The following RP1 variants were observed in gnomAD, a reference collection of about 807,000 sequenced individuals.
The protein encoded by RP1 is oxygen-regulated protein 1.
A neutral mutation model predicts 14.8 loss-of-function variants in RP1; 16 were observed. That is an observed-to-expected ratio of 1.08 (90% CI 0.73 to 1.65). The LOEUF is 1.65. Ranked by LOEUF, RP1 falls within the 40% of genes most tolerant of loss-of-function variation. The probability of loss-of-function intolerance (pLI) is 0.00; values close to 1 mark genes in which losing one functional copy is unlikely to be tolerated. For missense variants in RP1, 2,631 were observed against 2,535.0 expected, an observed-to-expected ratio of 1.04 and a Z score of -0.81; for synonymous variants, 876 against 883.6, an observed-to-expected ratio of 0.99 and a Z score of 0.15.
At chr8:54,610,550 G>A (rs1483469385) in intron 1 of RP1, among the ~76,000 whole-genome samples, 1 of 152,102 alleles carries the variant, frequency 6.6e-6, no homozygotes, top group African/African-American at 2.4e-5. Context: ...CTATTTGGAT[G>A]TCTAATATGC....
intron 15 of RP1, among the ~76,000 whole-genome samples, chr8:54,708,268 C>T (rs1808198375): frequency 6.6e-6 from 1 of 152,156 alleles, no homozygotes; most frequent in Admixed American, 6.5e-5. Flanking sequence ...TGTTTATCTT[C>T]CCCGGGTAGT....
chr8:54,722,274 T>TTTG (rs1554527264), intron 16 of RP1, among the ~76,000 whole-genome samples: 16 of 143,772 alleles, frequency 1.1e-4, no homozygotes, highest in African/African-American at 4.1e-4. Flanking sequence ...GTTTTTTTTT[T>TTTG]TGTGTGTGTG....
rs146849154 is a variant in RP1 at position 54,857,461 on chromosome 8, T to C, written c.4069+355T>C. ...ATAATGTAAGGTTATAAATGGTCAC[T>C]AATTAAATTATATAGTGACCATTTA... On this transcript the variant is annotated intron_variant, in intron 27 of 28. Transcript: ENST00000637698. Among the ~76,000 whole-genome samples, 1,301 of 150,488 alleles carry C rather than the reference T, an allele frequency of 8.6e-3. 21 individuals carry two copies. The highest frequency in any genetic ancestry group is 0.03 in the African/African-American group (1,239 of 41,184).
At chr8:54,607,584 C>T (rs1334955919) in intron 1 of RP1, among the ~76,000 whole-genome samples, 2 of 152,192 alleles carry the variant, frequency 1.3e-5, no homozygotes, top group African/African-American at 2.4e-5. Flanking sequence ...CAGACAGGGA[C>T]ATTTAAGTCT....
In RP1 at chr8:54,627,036, G is replaced by T; in HGVS notation, c.3154G>T (p.Val1052Phe). ...AEKSGPEKKL[V>F]YQEINLARKR... ...AAAATCAGGACCAGAGAAAAAACTT[G>T]TTTACCAGGAAATAAACCTAGCTAG... The change falls in exon 4 of 4, where the codon GTT becomes TTT. Residue 1052 changes from valine (V) to phenylalanine (F), a missense_variant. Physicochemically the swap from Val to Phe is conservative, Grantham distance 50. Coordinates refer to ENST00000220676, the MANE Select transcript of RP1 (RefSeq NM_006269.2). The T allele has an allele frequency of 6.2e-7, 1 of 1,613,962 alleles. No individual in the cohort carries two copies. Among genetic ancestry groups the T allele is most frequent in the Non-Finnish European group, 8.5e-7 (1 of 1,179,940 alleles).
intron 7 of RP1, among the ~76,000 whole-genome samples, chr8:54,672,859 T>G (rs1349722636): frequency 1.3e-5 from 2 of 152,216 alleles, no homozygotes; most frequent in Non-Finnish European, 2.9e-5. Flanking sequence ...ATGCGTTTCT[T>G]CTCTTTTCCT....
chr8:54,611,884 TCTCCCTTC>T, upstream of RP1, among the ~76,000 whole-genome samples: 1 of 104,094 alleles, frequency 9.6e-6, no homozygotes, highest in South Asian at 3.6e-4. Context: ...TCCCTCCCTC[TCTCCCTTC>T]CTTCCTTCCT....
intron 25 of RP1, among the ~76,000 whole-genome samples, chr8:54,837,838 G>A (rs896001385): frequency 6.6e-5 from 10 of 152,196 alleles, no homozygotes; most frequent in South Asian, 2.1e-4. Context: ...GTGTAGTGAC[G>A]TGGCAGATAT....
At chr8:54,761,203 T>C (rs184953292) in intron 22 of RP1, among the ~76,000 whole-genome samples, 60 of 151,612 alleles carry the variant, frequency 4.0e-4, no homozygotes, top group African/African-American at 1.4e-3. Context: ...ACATTTCACA[T>C]CGTCACCCAT....
intron 1 of RP1, among the ~76,000 whole-genome samples, chr8:54,601,831 A>G (rs1805300750): frequency 6.6e-6 from 1 of 152,222 alleles, no homozygotes; most frequent in South Asian, 2.1e-4. Context: ...GCCAGCCATA[A>G]AAGATCACAT....
At position 54,697,202 on chromosome 8, in the gene RP1, A is replaced by G. The variant is rs942224990; in HGVS notation, c.1718-2265A>G. 1.3e-5 allele frequency: 9 copies of G among 701,770 alleles called. No homozygotes were observed. The African/African-American group carries it at 1.4e-4, about 11-fold the overall frequency. 43.5% of individuals were successfully genotyped at this position (701,770 alleles called of 1,614,324 possible). A position where few individuals can be genotyped will look rare whatever the true frequency, so the allele number is the denominator to read the frequency against. On this transcript the variant is annotated intron_variant, in intron 12 of 22. Transcript: ENST00000636932. ...GTTTCCTTTTTTTGGGGGAATTTTT[A>G]TCCAGAGAAGATTATTTCCTGCGTT...
chr8:54,752,712 T>C (rs1463057086), intron 19 of RP1, among the ~76,000 whole-genome samples: 1 of 152,076 alleles, frequency 6.6e-6, no homozygotes, highest in East Asian at 1.9e-4. Flanking sequence ...CCCCACACTC[T>C]CACACTGGGA....
At position 54,795,242 on chromosome 8, in the gene RP1, G is replaced by A. The variant is rs147929211; in HGVS notation, c.3615+11532G>A. 8.2e-4 allele frequency among the ~76,000 whole-genome samples: 125 copies of A among 152,074 alleles called. 1 individual carries two copies. The highest frequency in any genetic ancestry group is 2.8e-3 in the African/African-American group (115 of 41,524). On this transcript the variant is annotated intron_variant, in intron 24 of 28. Transcript: ENST00000637698. ...TCTGCTTCTGTGTATATATCTGAAG[G>A]AAACAAAATCAGTATCTTGAAGAGA...
intron 24 of RP1, among the ~76,000 whole-genome samples, chr8:54,818,464 C>T (rs1277738980): frequency 6.6e-6 from 1 of 152,174 alleles, no homozygotes; most frequent in Non-Finnish European, 1.5e-5. Flanking sequence ...TTCAAAGTGG[C>T]AGCTATATCA....
chr8:54,744,101 G>A (rs984190926), intron 19 of RP1, among the ~76,000 whole-genome samples: 2 of 152,160 alleles, frequency 1.3e-5, no homozygotes, highest in Non-Finnish European at 2.9e-5. Context: ...TATTTTTCAG[G>A]TAAAATCTAT....
intron 24 of RP1, among the ~76,000 whole-genome samples, chr8:54,795,705 A>G (rs1296378696): frequency 6.6e-6 from 1 of 152,172 alleles, no homozygotes; most frequent in Non-Finnish European, 1.5e-5. Flanking sequence ...TTCTTTTGAA[A>G]GACTAACATC....
intron 1 of RP1, among the ~76,000 whole-genome samples, chr8:54,600,171 C>T (rs185026765): frequency 3.9e-5 from 6 of 152,086 alleles, no homozygotes; most frequent in Non-Finnish European, 7.4e-5. Flanking sequence ...ATGCTGTTCT[C>T]GTGACAGTAA....
At chr8:54,615,163 CTCTT>C (rs988912584), upstream of RP1, among the ~76,000 whole-genome samples, 3 of 152,200 alleles carry the variant, frequency 2.0e-5, no homozygotes, top group African/African-American at 7.2e-5. Flanking sequence ...CTACACCTCA[CTCTT>C]TCTCTTTCTC....
intron 19 of RP1, among the ~76,000 whole-genome samples, chr8:54,747,412 C>A (rs765620988): frequency 2.8e-4 from 43 of 152,140 alleles, no homozygotes; most frequent in Non-Finnish European, 5.7e-4. Context: ...ATAACACATC[C>A]CTTATCTGAT....
Sources: gnomAD v4.1 joint callset for allele counts (sites outside exome capture counted in the v4.1 genomes callset) on GRCh38, gnomAD v4.1.1 for gene constraint, MANE v1.5 for transcripts, NCBI Gene and HGNC (gene_info 2026-07-23, HGNC 2026-07-21) for gene names.